The following HPSE2 variants were observed in gnomAD, a reference collection of about 807,000 sequenced individuals.
HPSE2 encodes the protein inactive heparanase-2.
Under a neutral mutation model 60.5 loss-of-function variants are expected in HPSE2, and 38 were observed. The ratio of observed to expected loss-of-function variants is 0.63; its 90% CI spans 0.48 to 0.82. The LOEUF (loss-of-function observed/expected upper bound fraction) is 0.82, where lower values mean the gene tolerates loss of function less well. Among genes scored for constraint, HPSE2 ranks in the 40% least tolerant of loss-of-function variants. The pLI is 0.00. For missense variants in HPSE2, 713 were observed against 740.4 expected (o/e 0.96, Z 0.43); for synonymous variants, 295 against 293.2 (o/e 1.01, Z -0.06).
chr10:99,076,156 T>C (rs555813713), intron 3 of HPSE2, among the ~76,000 whole-genome samples: 2 of 152,056 alleles, frequency 1.3e-5, no homozygotes, highest in African/African-American at 2.4e-5. Flanking sequence ...TTGTTTTTCA[T>C]TGATTTTTTT....
At chr10:98,575,465 G>A (rs1944616194) in intron 9 of HPSE2, among the ~76,000 whole-genome samples, 1 of 152,136 alleles carries the variant, frequency 6.6e-6, no homozygotes, top group Non-Finnish European at 1.5e-5. Flanking sequence ...GAAGTCAAAC[G>A]GTGAATTTGT....
At chr10:98,764,252 T>C (rs1950070271) in intron 3 of HPSE2, among the ~76,000 whole-genome samples, 1 of 152,080 alleles carries the variant, frequency 6.6e-6, no homozygotes, top group South Asian at 2.1e-4. Flanking sequence ...ATACTGCAAA[T>C]GTAGTCAAAA....
chr10:99,175,032 G>A (rs964004425), intron 2 of HPSE2, among the ~76,000 whole-genome samples: 1 of 152,120 alleles, frequency 6.6e-6, no homozygotes, highest in Non-Finnish European at 1.5e-5. Context: ...CCCTCCCCTA[G>A]CCAAGGGAAG....
intron 3 of HPSE2, among the ~76,000 whole-genome samples, chr10:98,943,615 T>C (rs1186614064): frequency 1.3e-5 from 2 of 152,116 alleles, no homozygotes; most frequent in Non-Finnish European, 2.9e-5. Flanking sequence ...TTATTTATTC[T>C]CTTACTTTCT....
At chr10:98,771,551 A>G (rs77682676) in intron 3 of HPSE2, among the ~76,000 whole-genome samples, 2,105 of 152,294 alleles carry the variant, frequency 0.014, 44 homozygotes, top group African/African-American at 0.047. Context: ...AGCCCAGGAT[A>G]GCCCAACTAA....
intron 3 of HPSE2, among the ~76,000 whole-genome samples, chr10:99,062,592 AC>A (rs1286106256): frequency 6.6e-6 from 1 of 152,060 alleles, no homozygotes; most frequent in Non-Finnish European, 1.5e-5. Context: ...CAGCACCATT[AC>A]CTTCAATCAG....
chr10:99,314,978 C>G, the HPSE2 span, among the ~76,000 whole-genome samples: 2 of 152,152 alleles, frequency 1.3e-5, no homozygotes, highest in Non-Finnish European at 2.9e-5. Flanking sequence ...TTTGTTGCTC[C>G]AAGATTTGAG....
At chr10:99,267,023 C>T in the HPSE2 span, among the ~76,000 whole-genome samples, 2 of 152,106 alleles carry the variant, frequency 1.3e-5, no homozygotes, top group African/African-American at 4.8e-5. Flanking sequence ...CCAGATCTTC[C>T]CTCTGACATG....
chr10:99,244,381 T>TG, the HPSE2 span, among the ~76,000 whole-genome samples: 10 of 105,636 alleles, frequency 9.5e-5, no homozygotes, highest in African/African-American at 3.5e-4. Flanking sequence ...TTTTTATTTC[T>TG]TTTATTATTA....
chr10:99,007,373 C>T (rs1422779977), intron 3 of HPSE2, among the ~76,000 whole-genome samples: 1 of 152,146 alleles, frequency 6.6e-6, no homozygotes, highest in African/African-American at 2.4e-5. Context: ...GTATCTATCT[C>T]CACACTTTGC....
At chr10:98,467,610 G>A (rs1940594905) in intron 11 of HPSE2, among the ~76,000 whole-genome samples, 1 of 152,104 alleles carries the variant, frequency 6.6e-6, no homozygotes, top group African/African-American at 2.4e-5. Context: ...TTTCCTAGGG[G>A]CCACTAGAGG....
At chr10:98,905,925 G>A (rs558683802) in intron 3 of HPSE2, among the ~76,000 whole-genome samples, 38 of 152,318 alleles carry the variant, frequency 2.5e-4, no homozygotes, top group African/African-American at 7.7e-4. Flanking sequence ...GCACCCACCA[G>A]ATCTCCCTTC....
chr10:98,662,115 G>A (rs1384384566), intron 6 of HPSE2, among the ~76,000 whole-genome samples: 3 of 152,094 alleles, frequency 2.0e-5, no homozygotes, highest in Admixed American at 6.5e-5. Context: ...GGATGGTCTC[G>A]ATCTCCTGAC....
chr10:99,240,977 A>G, the HPSE2 span, among the ~76,000 whole-genome samples: 1 of 152,208 alleles, frequency 6.6e-6, no homozygotes, highest in African/African-American at 2.4e-5. Flanking sequence ...TGTATACCCA[A>G]CTATGATGAC....
At chr10:98,668,876 T>G (rs1947436976) in intron 6 of HPSE2, among the ~76,000 whole-genome samples, 1 of 152,104 alleles carries the variant, frequency 6.6e-6, no homozygotes, top group Admixed American at 6.6e-5. Context: ...CAAAACCAAT[T>G]GCGACAAAAA....
At chr10:99,005,290 A>G (rs1403717143) in intron 3 of HPSE2, among the ~76,000 whole-genome samples, 4 of 151,946 alleles carry the variant, frequency 2.6e-5, no homozygotes, top group African/African-American at 9.7e-5. Context: ...TAACTCAGAC[A>G]TTTGCTCTTT....
intron 9 of HPSE2, among the ~76,000 whole-genome samples, chr10:98,535,239 T>C (rs75323381): frequency 0.018 from 2,697 of 152,306 alleles, 41 homozygotes; most frequent in African/African-American, 0.035. Context: ...TAGTTTTTCA[T>C]CCAATTTGAT....
chr10:98,614,842 G>A (rs2133974842), intron 9 of HPSE2, 62 bp downstream of exon 9: 1 of 1,084,332 alleles, frequency 9.2e-7, no homozygotes, highest in East Asian at 2.4e-5. Flanking sequence ...TATGGAACAA[G>A]GCATGATCAA....
intron 3 of HPSE2, among the ~76,000 whole-genome samples, chr10:98,861,189 T>C (rs1274870829): frequency 3.3e-5 from 5 of 152,172 alleles, no homozygotes; most frequent in African/African-American, 1.2e-4. Context: ...TCTACATAAC[T>C]ACCTGAAGCA....
Sources: gnomAD v4.1 joint callset for allele counts (sites outside exome capture counted in the v4.1 genomes callset) on GRCh38, gnomAD v4.1.1 for gene constraint, MANE v1.5 for transcripts, NCBI Gene and HGNC (gene_info 2026-07-23, HGNC 2026-07-21) for gene names.